Variants in SPOCK3 observed in about 807,000 individuals in gnomAD.
The protein encoded by SPOCK3 is testican-3.
A neutral mutation model predicts 56.6 loss-of-function variants in SPOCK3; 30 were observed. The observed-to-expected ratio is 0.53, with a 90% CI of 0.40 to 0.72. The LOEUF (loss-of-function observed/expected upper bound fraction) is 0.72. Among genes scored for constraint, SPOCK3 ranks in the 30% least tolerant of loss-of-function variants. The pLI is 0.00. For synonymous variants in SPOCK3, 196 were observed against 183.3 expected (o/e 1.07, Z -0.56); for missense variants, 527 against 530.0 (o/e 0.99, Z 0.06).
At chr4:166,939,387 T>C (rs1740802501) in intron 4 of SPOCK3, among the ~76,000 whole-genome samples, 1 of 152,042 alleles carries the variant, frequency 6.6e-6, no homozygotes, top group Non-Finnish European at 1.5e-5. Context: ...GAGTTCAGCA[T>C]AAATAAAATA....
intron 4 of SPOCK3, among the ~76,000 whole-genome samples, chr4:166,950,885 A>G (rs1742511960): frequency 6.8e-6 from 1 of 146,154 alleles, no homozygotes; most frequent in Non-Finnish European, 1.5e-5. Flanking sequence ...CTTTGAAACC[A>G]ACGAGAACAA....
intron 6 of SPOCK3, among the ~76,000 whole-genome samples, chr4:166,838,620 A>T (rs1334654067): frequency 1.3e-5 from 2 of 149,254 alleles, no homozygotes; most frequent in African/African-American, 4.9e-5. Context: ...GTATGTTCAT[A>T]CTTGGTTACT....
intron 5 of SPOCK3, among the ~76,000 whole-genome samples, chr4:166,894,217 A>G (rs1193432202): frequency 1.3e-5 from 2 of 151,930 alleles, no homozygotes; most frequent in Non-Finnish European, 2.9e-5. Context: ...ACTTCGAAAA[A>G]CTTCTTTTTA....
intron 4 of SPOCK3, among the ~76,000 whole-genome samples, chr4:166,967,406 T>G (rs1744856551): frequency 6.6e-6 from 1 of 152,272 alleles, no homozygotes; most frequent in Admixed American, 6.5e-5. Context: ...AAATTATAAT[T>G]CATAATGTTG....
chr4:167,101,257 C>A (rs1468854400), intron 2 of SPOCK3, among the ~76,000 whole-genome samples: 2 of 152,098 alleles, frequency 1.3e-5, no homozygotes, highest in African/African-American at 2.4e-5. Context: ...CCCACTTCCC[C>A]AAAATTTTAT....
At chr4:167,145,490 C>T (rs943158360) in intron 2 of SPOCK3, among the ~76,000 whole-genome samples, 2 of 151,944 alleles carry the variant, frequency 1.3e-5, no homozygotes, top group Non-Finnish European at 2.9e-5. Context: ...ATGAGTAAGG[C>T]TGTGTGTCAC....
chr4:167,232,992 TCAAATGTCA>T (rs1459212832), intron 2 of SPOCK3, among the ~76,000 whole-genome samples: 88 of 152,316 alleles, frequency 5.8e-4, no homozygotes, highest in African/African-American at 2.1e-3. Flanking sequence ...AGAAATTCTC[TCAAATGTCA>T]CGGTAAGGAT....
chr4:167,170,174 A>C (rs1485324), intron 2 of SPOCK3, among the ~76,000 whole-genome samples: 41,653 of 152,114 alleles, frequency 0.27, 6,465 homozygotes, highest in African/African-American at 0.43. Flanking sequence ...TATGTTTATG[A>C]CCAGGGTCAC....
chr4:166,915,335 T>A (rs1737730164), intron 4 of SPOCK3, among the ~76,000 whole-genome samples: 1 of 152,008 alleles, frequency 6.6e-6, no homozygotes, highest in African/African-American at 2.4e-5. Context: ...TAAAAAAAAA[T>A]GTTTCTTATG....
At chr4:166,979,226 C>T (rs951316561) in intron 4 of SPOCK3, among the ~76,000 whole-genome samples, 12 of 152,082 alleles carry the variant, frequency 7.9e-5, no homozygotes, top group Non-Finnish European at 1.6e-4. Flanking sequence ...GAGTAAGCCC[C>T]TATACACACA....
chr4:167,081,769 C>A (rs541574702), intron 2 of SPOCK3, among the ~76,000 whole-genome samples: 9 of 151,840 alleles, frequency 5.9e-5, no homozygotes, highest in Non-Finnish European at 1.2e-4. Context: ...AAATCTACAG[C>A]TAATATGAAA....
At chr4:167,033,867 T>C (rs1752495918) in intron 3 of SPOCK3, among the ~76,000 whole-genome samples, 1 of 152,106 alleles carries the variant, frequency 6.6e-6, no homozygotes, top group African/African-American at 2.4e-5. Context: ...TATAAAATTA[T>C]AATACATTCT....
At chr4:166,812,845 C>A (rs1201754486) in intron 6 of SPOCK3, among the ~76,000 whole-genome samples, 1 of 151,886 alleles carries the variant, frequency 6.6e-6, no homozygotes, top group East Asian at 1.9e-4. Context: ...TACAGAGTAA[C>A]AATACATTAT....
intron 3 of SPOCK3, among the ~76,000 whole-genome samples, chr4:167,041,124 C>G (rs1282342210): frequency 6.6e-6 from 1 of 152,170 alleles, no homozygotes; most frequent in Non-Finnish European, 1.5e-5. Flanking sequence ...AATTCTGCTT[C>G]TTACTCTAAA....
At chr4:166,852,377 C>G (rs1579427621) in intron 6 of SPOCK3, among the ~76,000 whole-genome samples, 2 of 152,038 alleles carry the variant, frequency 1.3e-5, no homozygotes, top group South Asian at 2.1e-4. Context: ...ACCTTGAAAA[C>G]TGAGGTGCTG....
chr4:167,222,156 A>T (rs1337340326), intron 2 of SPOCK3, among the ~76,000 whole-genome samples: 1 of 152,114 alleles, frequency 6.6e-6, no homozygotes, highest in Admixed American at 6.6e-5. Flanking sequence ...ACATGCCACA[A>T]CATGGATGAA....
intron 7 of SPOCK3, among the ~76,000 whole-genome samples, chr4:166,764,289 C>T (rs978376343): frequency 3.3e-5 from 5 of 152,122 alleles, no homozygotes; most frequent in African/African-American, 1.2e-4. Context: ...GTGCGGCACC[C>T]ATTAACTCGT....
intron 2 of SPOCK3, among the ~76,000 whole-genome samples, chr4:167,079,580 G>A (rs1757528721): frequency 6.6e-6 from 1 of 151,710 alleles, no homozygotes; most frequent in Admixed American, 6.6e-5. Context: ...GTTTTCATCA[G>A]TGATTAGATG....
intron 6 of SPOCK3, among the ~76,000 whole-genome samples, chr4:166,861,659 C>A (rs1383115366): frequency 1.3e-5 from 2 of 152,110 alleles, no homozygotes; most frequent in African/African-American, 2.4e-5. Flanking sequence ...ATAGGCAGCA[C>A]TTCCCTGAAG....
Sources: gnomAD v4.1 joint callset for allele counts (sites outside exome capture counted in the v4.1 genomes callset) on GRCh38, gnomAD v4.1.1 for gene constraint, MANE v1.5 for transcripts, NCBI Gene and HGNC (gene_info 2026-07-23, HGNC 2026-07-21) for gene names.